Variants in NRF1 observed in about 807,000 individuals in gnomAD.
The protein encoded by NRF1 is alpha palindromic-binding protein.
NRF1 carries 5 observed loss-of-function variants against 58.5 expected under a neutral mutation model. That is an observed-to-expected ratio of 0.09 (90% CI 0.04 to 0.18). The LOEUF (loss-of-function observed/expected upper bound fraction) is 0.18, where lower values mean the gene tolerates loss of function less well. Ranked by LOEUF, NRF1 falls within the 10% of genes least tolerant of loss-of-function variation. The pLI is 1.00. For missense variants in NRF1, 288 were observed against 657.7 expected, an observed-to-expected ratio of 0.44 and a Z score of 6.15; for synonymous variants, 224 against 246.7, an observed-to-expected ratio of 0.91 and a Z score of 0.86.
At chr7:129,679,932 C>T (rs1802269173) in intron 4 of NRF1, among the ~76,000 whole-genome samples, 1 of 151,684 alleles carries the variant, frequency 6.6e-6, no homozygotes, top group African/African-American at 2.4e-5. Flanking sequence ...GTGGCGGGCG[C>T]CTGTAATCCC....
rs575725962 is a variant in NRF1 at position 129,618,587 on chromosome 7, C to T, written c.-7+6763C>T. On this transcript the variant is annotated intron_variant, in intron 1 of 10. Coordinates refer to ENST00000393232, the MANE Select transcript of NRF1 (RefSeq NM_005011.5). The stretch of plus-strand genomic sequence containing the variant: ...GTAGCCACCTGTGGTCTCAGCTACT[C>T]GGGAGGCTGAGGCTGGAGTATGACT... Among the ~76,000 whole-genome samples the T allele has an allele frequency of 7.9e-5, 12 of 152,128 alleles. No individual in the cohort carries two copies. In the East Asian group the frequency reaches 1.2e-3, roughly 15 times the overall value.
chr7:129,627,006 T>A (rs1341914511), intron 1 of NRF1, among the ~76,000 whole-genome samples: 1 of 152,222 alleles, frequency 6.6e-6, no homozygotes, highest in African/African-American at 2.4e-5. Context: ...TTAGTGTGGT[T>A]TCTAATAAGT....
At chr7:129,742,275 T>TAAA (rs71167214) in intron 10 of NRF1, among the ~76,000 whole-genome samples, 4,453 of 126,408 alleles carry the variant, frequency 0.035, 113 homozygotes, top group Middle Eastern at 0.068. Flanking sequence ...TGAAATTGAT[T>TAAA]AAAAAAAAAA....
chr7:129,686,018 C>T (rs1294284813), intron 4 of NRF1, among the ~76,000 whole-genome samples: 1 of 148,022 alleles, frequency 6.8e-6, no homozygotes, highest in African/African-American at 2.5e-5. Context: ...AGGAGAATCT[C>T]TTGAACCCAG....
In NRF1 at chr7:129,690,274, T is replaced by G. The variant is rs1802534088; in HGVS notation, c.466-132T>G. 10 of 777,818 alleles carry G rather than the reference T, an allele frequency of 1.3e-5. 1 individual carries two copies. The highest frequency in any genetic ancestry group is 2.1e-5 in the Non-Finnish European group (10 of 476,790). The allele number at this position is 777,818 out of a possible 1,614,324, so 48.2% of individuals were successfully genotyped here. On this transcript the variant is annotated intron_variant, in intron 4 of 10. Coordinates refer to ENST00000393232, the MANE Select transcript of NRF1 (RefSeq NM_005011.5). ...GGGACCAGTGGGTATTTTTATTTGC[T>G]TGTAGAAGTGTTTGTTTTTAAGGCT... is the stretch of plus-strand genomic sequence containing the variant.
intron 4 of NRF1, among the ~76,000 whole-genome samples, chr7:129,688,947 G>T (rs35749792): frequency 4.1e-5 from 6 of 146,118 alleles, no homozygotes; most frequent in Non-Finnish European, 7.8e-5. Context: ...GTGTGTGTGT[G>T]TGAGTAGGCA....
chr7:129,671,057 C>A (rs577546017), intron 2 of NRF1, among the ~76,000 whole-genome samples: 1 of 152,192 alleles, frequency 6.6e-6, no homozygotes, highest in South Asian at 2.1e-4. Flanking sequence ...TAAATTTTTT[C>A]AATTTTGGCA....
chr7:129,720,078 G>C (rs989535748), intron 9 of NRF1, among the ~76,000 whole-genome samples: 4 of 152,188 alleles, frequency 2.6e-5, no homozygotes, highest in African/African-American at 9.6e-5. Flanking sequence ...AGGTGGCTCA[G>C]TGTTTACTCC....
Position 129,755,127 on chromosome 7 carries a change from C to A in NRF1, c.1458C>A (p.Asp486Glu). 2 of 1,613,978 alleles carry A rather than the reference C, an allele frequency of 1.2e-6. 1 individual carries two copies. The highest frequency in any genetic ancestry group is 2.2e-5 in the South Asian group (2 of 91,034). ...CCCCTGTGACCACCAGGATATCAGA[C>A]AGCGCAGTCACCATGGACGGCCAAG... is the stretch of plus-strand genomic sequence containing the variant. Reference protein sequence around the residue: ...AMAPVTTRISDSAVTMDGQAV... With the variant: ...AMAPVTTRISESAVTMDGQAV... Residue 486 changes from aspartate to glutamate, a missense_variant, in exon 11 of 11, where the codon GAC becomes GAA. Around this residue, in one of 3 missense-constraint regions of NRF1, gnomAD observed 28 missense variants for 32.6 expected, o/e 0.86. Coordinates refer to ENST00000393232, the MANE Select transcript of NRF1 (RefSeq NM_005011.5). This position sits in a 1 kb window ranked among gnomAD's most constrained non-coding sequence, Gnocchi z 5.8.
chr7:129,643,593 C>A (rs2151068876), intron 1 of NRF1, among the ~76,000 whole-genome samples: 1 of 152,346 alleles, frequency 6.6e-6, no homozygotes, highest in South Asian at 2.1e-4. Flanking sequence ...TATTCACCAT[C>A]TTTCTAAACC....
At chr7:129,638,693 G>A (rs1420330228) in intron 1 of NRF1, among the ~76,000 whole-genome samples, 1 of 151,950 alleles carries the variant, frequency 6.6e-6, no homozygotes, top group African/African-American at 2.4e-5. Context: ...TTTGGTGATT[G>A]GTTTTTTTAA....
intron 5 of NRF1, among the ~76,000 whole-genome samples, chr7:129,698,942 A>G (rs1018859013): frequency 1.3e-5 from 2 of 152,204 alleles, no homozygotes; most frequent in Non-Finnish European, 2.9e-5. Flanking sequence ...TCTCTTTGGA[A>G]TCTGTATTAG....
At chr7:129,628,034 CTTTTTTTTTTTTT>C (rs67262888) in intron 1 of NRF1, among the ~76,000 whole-genome samples, 9 of 72,056 alleles carry the variant, frequency 1.2e-4, no homozygotes, top group Non-Finnish European at 2.1e-4. Flanking sequence ...GCCAATGGTT[CTTTTTTTTTTTTT>C]TTTTTTTTTT....
chr7:129,663,103 A>G (rs1801823778), intron 2 of NRF1, among the ~76,000 whole-genome samples: 1 of 152,258 alleles, frequency 6.6e-6, no homozygotes, highest in African/African-American at 2.4e-5. Flanking sequence ...ATCCCAAGGC[A>G]GAAGAATTTT....
At chr7:129,710,635 A>G in intron 7 of NRF1, 64 bp downstream of exon 7, 1 of 842,162 alleles carries the variant, frequency 1.2e-6, no homozygotes, top group Non-Finnish European at 2.1e-6. Context: ...ACCTCACCTC[A>G]GACTAGGGAA....
intron 1 of NRF1, 76 bp from the exon 2 acceptor site, chr7:129,657,269 TA>T (rs1165752368): frequency 3.6e-6 from 4 of 1,098,956 alleles, no homozygotes; most frequent in Admixed American, 4.0e-5. Flanking sequence ...TGCTCTTGAA[TA>T]AAATATCTCT....
intron 10 of NRF1, among the ~76,000 whole-genome samples, chr7:129,748,019 T>C (rs146306632): frequency 0.011 from 1,680 of 152,214 alleles, 33 homozygotes; most frequent in African/African-American, 0.039. Context: ...CTCATGCCTA[T>C]AATCCCAGCA....
intron 1 of NRF1, among the ~76,000 whole-genome samples, chr7:129,612,724 GT>G (rs1800564596): frequency 1.3e-5 from 2 of 152,276 alleles, no homozygotes; most frequent in East Asian, 3.9e-4. Flanking sequence ...CGTGTGCATG[GT>G]ATTTTCCCAT....
chr7:129,663,994 G>A (rs76214044), intron 2 of NRF1, among the ~76,000 whole-genome samples: 179 of 151,748 alleles, frequency 1.2e-3, no homozygotes, highest in African/African-American at 3.6e-3. Context: ...GAGTGGCGGC[G>A]TGTGCCTGGA....
Sources: gnomAD v4.1 joint callset for allele counts (sites outside exome capture counted in the v4.1 genomes callset) on GRCh38, gnomAD v4.1.1 for gene constraint, gnomAD v4.1.1 regional missense constraint, Gnocchi (gnomAD v3.1) non-coding constraint, MANE v1.5 for transcripts, NCBI Gene and HGNC (gene_info 2026-07-23, HGNC 2026-07-21) for gene names.